The following TGM6 variants were observed in gnomAD, a reference collection of about 807,000 sequenced individuals.
The protein encoded by TGM6 is protein-glutamine gamma-glutamyltransferase 6.
In TGM6, 74 loss-of-function variants were observed where a neutral mutation model predicts 77.5. That is an observed-to-expected ratio of 0.96 (90% CI 0.79 to 1.16). The LOEUF is 1.16. Ranked by LOEUF, TGM6 falls within the 50% of genes most tolerant of loss-of-function variation. The probability of loss-of-function intolerance (pLI) is 0.00; values close to 1 mark genes in which losing one functional copy is unlikely to be tolerated. For missense variants in TGM6, 968 were observed against 940.2 expected, an observed-to-expected ratio of 1.03 and a Z score of -0.39; for synonymous variants, 383 against 378.9, an observed-to-expected ratio of 1.01 and a Z score of -0.12.
At chr20:2,383,924 G>A (rs1199184877) in intron 1 of TGM6, among the ~76,000 whole-genome samples, 2 of 151,952 alleles carry the variant, frequency 1.3e-5, no homozygotes, top group Non-Finnish European at 2.9e-5. Context: ...TGGCTAACAC[G>A]GTGAAACCCC....
chr20:2,405,524 C>T (rs555909891), intron 9 of TGM6, among the ~76,000 whole-genome samples: 1 of 152,144 alleles, frequency 6.6e-6, no homozygotes, highest in African/African-American at 2.4e-5. Context: ...AGAGCAGATG[C>T]CTTTGTCTTA....
chr20:2,404,556 C>T (rs902968143), intron 9 of TGM6, among the ~76,000 whole-genome samples: 21 of 152,132 alleles, frequency 1.4e-4, no homozygotes, highest in African/African-American at 4.8e-4. Context: ...TGGAAGGTTG[C>T]TAAAGAGGAG....
rs890044084 is a variant in TGM6, at chr20:2,430,342, G to A, written c.1679-104G>A. The A allele has an allele frequency of 3.4e-6, 5 of 1,453,182 alleles. No homozygotes were observed. In the African/African-American group the frequency reaches 7.0e-5, roughly 20 times the overall value. The allele number at this position is 1,453,182 out of a possible 1,614,324, so 90.0% of individuals were successfully genotyped here. On this transcript the variant is annotated intron_variant, in intron 10 of 12. Transcript: ENST00000202625. ...AAGCCTGTCTCAGAATGGTTGCAAGGACCAGAGAGAAAGGAGCTATTAGTT... is the reference window on the plus strand; with the variant it reads ...AAGCCTGTCTCAGAATGGTTGCAAGAACCAGAGAGAAAGGAGCTATTAGTT...
intron 10 of TGM6, among the ~76,000 whole-genome samples, chr20:2,417,944 T>C (rs1330881246): frequency 6.6e-6 from 1 of 152,202 alleles, no homozygotes; most frequent in African/African-American, 2.4e-5. Context: ...CAAAAAAATC[T>C]GGAGCCCATT....
intron 3 of TGM6, 137 bp downstream of exon 3, chr20:2,395,573 G>T (rs2084659555): frequency 1.3e-6 from 2 of 1,489,158 alleles, no homozygotes; most frequent in Middle Eastern, 2.1e-4. Context: ...ACTTAGCCTA[G>T]GCAGAGGTAG....
Position 2,403,828 on chromosome 20 carries a change from G to A in TGM6, c.1336+5G>A. 1 of 1,614,086 alleles carries A rather than the reference G, an allele frequency of 6.2e-7. No homozygotes were observed. The highest frequency in any genetic ancestry group is 8.5e-7 in the Non-Finnish European group (1 of 1,180,032). ...ACCTCTACAAGTATCCGGAAGGTAA[G>A]GGCCACATGGCGGCCTTTATTACCT... is the stretch of plus-strand genomic sequence containing the variant. On this transcript the variant is annotated splice_donor_5th_base_variant and intron_variant, in intron 9 of 12. Transcript: ENST00000202625.
Position 2,384,039 on chromosome 20 carries a change from G to A in TGM6, c.7+3064G>A, listed in dbSNP as rs527868399. 2.1e-4 allele frequency among the ~76,000 whole-genome samples: 31 copies of A among 151,110 alleles called. 1 individual carries two copies. The South Asian group carries it at 3.8e-3, about 18-fold the overall frequency. On this transcript the variant is annotated intron_variant, in intron 1 of 12. Transcript: ENST00000202625. The stretch of plus-strand genomic sequence containing the variant: ...GGAGAATGGCATGAACCCGGGAGGC[G>A]GAGCTTGCAGTGAGCAGAAATTGTG...
chr20:2,408,130 G>A (rs747033220), intron 9 of TGM6, among the ~76,000 whole-genome samples: 2 of 152,130 alleles, frequency 1.3e-5, no homozygotes, highest in South Asian at 4.1e-4. Context: ...GACTCATGCT[G>A]GGCAATATTG....
chr20:2,430,188 T>C (rs1231097191), intron 10 of TGM6, among the ~76,000 whole-genome samples: 1 of 152,050 alleles, frequency 6.6e-6, no homozygotes, highest in Non-Finnish European at 1.5e-5. Flanking sequence ...TCTGGTATTG[T>C]GGTAGCTCCC....
At position 2,417,593 on chromosome 20, in the gene TGM6, G is replaced by T; in HGVS notation, c.1678+20G>T. 1 of 1,586,674 alleles carries T rather than the reference G, an allele frequency of 6.3e-7. No homozygotes were observed. Among genetic ancestry groups the T allele is most frequent in the Non-Finnish European group, 8.5e-7 (1 of 1,173,850 alleles). On this transcript the variant is annotated intron_variant, in intron 10 of 12. Transcript: ENST00000202625. ...AAGAAGGTAAGTGTACGCTGGCTTGGTGGAATCAGGCCAAACCACCTCCTT... is the reference window on the plus strand; with the variant it reads ...AAGAAGGTAAGTGTACGCTGGCTTGTTGGAATCAGGCCAAACCACCTCCTT...
At chr20:2,399,350 C>T (rs769729423) in intron 5 of TGM6, among the ~76,000 whole-genome samples, 20 of 152,094 alleles carry the variant, frequency 1.3e-4, no homozygotes, top group Non-Finnish European at 1.6e-4. Flanking sequence ...TTTTACAACA[C>T]AGTATCCAAA....
chr20:2,389,482 G>A (rs1048353983), intron 1 of TGM6, among the ~76,000 whole-genome samples: 1 of 152,130 alleles, frequency 6.6e-6, no homozygotes, highest in Non-Finnish European at 1.5e-5. Context: ...TAAACTCTGG[G>A]TTAAACAGAT....
At chr20:2,415,813 C>G (rs1409565328) in intron 9 of TGM6, among the ~76,000 whole-genome samples, 1 of 152,074 alleles carries the variant, frequency 6.6e-6, no homozygotes, top group African/African-American at 2.4e-5. Context: ...CTGTGAGACA[C>G]CTGGGGGGCG....
chr20:2,416,190 T>TGC (rs928469266), intron 9 of TGM6, among the ~76,000 whole-genome samples: 2 of 152,180 alleles, frequency 1.3e-5, no homozygotes, highest in African/African-American at 4.8e-5. Flanking sequence ...ATAGGCAGTA[T>TGC]GCCCAGCATA....
chr20:2,424,411 C>A (rs560621391), intron 10 of TGM6, among the ~76,000 whole-genome samples: 2 of 152,324 alleles, frequency 1.3e-5, no homozygotes, highest in African/African-American at 4.8e-5. Flanking sequence ...GAGATGGCGT[C>A]TTTCCTTAAA....
chr20:2,419,192 T>A (rs1381220826), intron 10 of TGM6, among the ~76,000 whole-genome samples: 2 of 152,198 alleles, frequency 1.3e-5, no homozygotes, highest in African/African-American at 4.8e-5. Flanking sequence ...TCCCTTTGGC[T>A]TTTTCATCTG....
intron 6 of TGM6, 52 bp downstream of exon 6, chr20:2,399,790 T>C (rs545898959): frequency 6.7e-7 from 1 of 1,494,764 alleles, no homozygotes; most frequent in African/African-American, 1.4e-5. Flanking sequence ...GCTTCCTCTA[T>C]CTAAATGTAT....
intron 10 of TGM6, among the ~76,000 whole-genome samples, chr20:2,427,685 A>C (rs1382626683): frequency 6.6e-6 from 1 of 152,194 alleles, no homozygotes; most frequent in Non-Finnish European, 1.5e-5. Flanking sequence ...TGAATATTAT[A>C]GACTTCTCTC....
intron 1 of TGM6, among the ~76,000 whole-genome samples, chr20:2,384,554 T>C (rs561477676): frequency 5.9e-5 from 9 of 152,260 alleles, no homozygotes; most frequent in African/African-American, 2.2e-4. Flanking sequence ...CTATGTGAAT[T>C]ATTTCACTTA....
Sources: allele counts gnomAD v4.1 joint callset (sites outside exome capture counted in the v4.1 genomes callset), GRCh38; gene constraint gnomAD v4.1.1; transcripts MANE v1.5; gene names NCBI Gene and HGNC (gene_info 2026-07-23, HGNC 2026-07-21).